ZNF726: variants seen among roughly 807,000 people sequenced by gnomAD.
ZNF726 encodes the protein zinc finger protein 92 pseudogene 3.
ZNF726 carries 15 observed loss-of-function variants against 11.6 expected under a neutral mutation model. The ratio of observed to expected loss-of-function variants is 1.29; its 90% CI spans 0.86 to 1.99. The LOEUF (loss-of-function observed/expected upper bound fraction) is 1.99. ZNF726 is among the 30% of genes most tolerant of loss of function. ZNF726 has a pLI of 0.00. For synonymous variants in ZNF726, 295 were observed against 243.6 expected (o/e 1.21, Z -1.96); for missense variants, 890 against 725.6 (o/e 1.23, Z -2.60).
chr19:23,933,292 T>G lies in ZNF726; in HGVS notation c.1176T>G (p.Thr392=), dbSNP rs770202969. The G allele has an allele frequency of 2.5e-6, 4 of 1,613,536 alleles. No homozygotes were observed. In the African/African-American group the frequency reaches 5.3e-5, roughly 22 times the overall value. Residue 392 remains threonine (T), a synonymous_variant, in exon 4 of 4, where the codon ACT becomes ACG. Transcript: ENST00000594466. ...TAACTAAACATAAGAGGATTCACAC[T>G]GGAGAGAAACCCTACAAATGTGAAG... is the stretch of plus-strand genomic sequence containing the variant. ...STLTKHKRIH[T]GEKPYKCEEC...
chr19:23,935,087 C>T (rs1340740653), downstream of ZNF726: 5 of 351,364 alleles, frequency 1.4e-5, no homozygotes, highest in Non-Finnish European at 2.2e-5. Flanking sequence ...CAGACTGCTG[C>T]TGCTTCTGCC....
At chr19:23,928,451 T>C (rs182460147) in intron 3 of ZNF726, 2 of 152,312 alleles carry the variant, frequency 1.3e-5, no homozygotes, top group African/African-American at 4.8e-5. Flanking sequence ...TTTGTCAATA[T>C]TTACTTTATA....
At chr19:23,939,988 G>C (rs1027651636) in intron 3 of ZNF726, among the ~76,000 whole-genome samples, 2 of 148,932 alleles carry the variant, frequency 1.3e-5, no homozygotes, top group African/African-American at 5.0e-5. Flanking sequence ...TGTTTACTCC[G>C]CTGACTGTTT....
At chr19:23,917,115 T>C (rs62114217) in intron 1 of ZNF726, among the ~76,000 whole-genome samples, 6,475 of 152,232 alleles carry the variant, frequency 0.043, 181 homozygotes, top group South Asian at 0.14. Context: ...CACACCCACC[T>C]AGTTTTTGTA....
intron 3 of ZNF726, among the ~76,000 whole-genome samples, chr19:23,929,799 TTC>T (rs1287586251): frequency 6.6e-6 from 1 of 152,200 alleles, no homozygotes; most frequent in Non-Finnish European, 1.5e-5. Context: ...CAGGTTTTTA[TTC>T]TGTTTTAAAT....
intron 3 of ZNF726, among the ~76,000 whole-genome samples, chr19:23,930,350 A>G (rs1184988392): frequency 6.6e-6 from 1 of 152,038 alleles, no homozygotes; most frequent in African/African-American, 2.4e-5. Context: ...ATGGTATCCA[A>G]TCACTTTTAC....
Position 23,914,910 on chromosome 19 carries a change from A to C in ZNF726, c.-85A>C. On this transcript the variant is annotated 5_prime_UTR_variant, in exon 1 of 4. Coordinates refer to ENST00000594466, the MANE Select transcript of ZNF726 (RefSeq NM_001244038.2). ...TGTCTCTATCTGCGGCCGGAGCTCC[A>C]GGTCTCGTCCTCACTACTCTGTGTC... 1 of 1,590,050 alleles carries C rather than the reference A, an allele frequency of 6.3e-7. No individual in the cohort carries two copies. The highest frequency in any genetic ancestry group is 8.6e-7 in the Non-Finnish European group (1 of 1,165,856).
intron 3 of ZNF726, among the ~76,000 whole-genome samples, chr19:23,942,238 GTTAT>G (rs1202423025): frequency 6.6e-6 from 1 of 152,140 alleles, no homozygotes; most frequent in African/African-American, 2.4e-5. Flanking sequence ...TCAGGAGCAG[GTTAT>G]TTAATTTCCA....
rs763373330 is a variant in ZNF726, at chr19:23,933,668, T to C, written c.1552T>C (p.Phe518Leu). ...PYKCEECGKAFILSSTLSKHK... is the reference protein window; with the variant it reads ...PYKCEECGKALILSSTLSKHK... ...CAAATGTGAAGAATGTGGCAAAGCA[T>C]TTATATTGTCCTCGACCCTATCTAA... The change falls in exon 4 of 4, where the codon TTT (phenylalanine) becomes CTT (leucine). Residue 518 changes from phenylalanine to leucine, a missense_variant. Coordinates refer to ENST00000594466, the MANE Select transcript of ZNF726 (RefSeq NM_001244038.2). 1.9e-6 allele frequency: 3 copies of C among 1,612,476 alleles called. No individual in the cohort carries two copies. The East Asian group carries it at 6.7e-5, about 36-fold the overall frequency.
At chr19:23,927,329 T>C (rs73021302) in intron 3 of ZNF726, among the ~76,000 whole-genome samples, 1,573 of 152,284 alleles carry the variant, frequency 0.01, 14 homozygotes, top group Non-Finnish European at 0.015. Flanking sequence ...AAAATTAATG[T>C]TTTTTTATTC....
chr19:23,932,566 T>C lies in ZNF726; in HGVS notation c.450T>C (p.Tyr150=), dbSNP rs764947705. The stretch of plus-strand genomic sequence containing the variant: ...GCAAAGCTTCTCAATGTGGTAAATA[T>C]TTGAAAGTCTTTTATAAATTTATAA... The part of the protein sequence containing the change: ...TQGKASQCGK[Y]LKVFYKFINL... Residue 150 remains tyrosine, a synonymous_variant, in exon 4 of 4, where the codon TAT becomes TAC. Coordinates refer to ENST00000594466, the MANE Select transcript of ZNF726 (RefSeq NM_001244038.2). 7.6e-6 allele frequency: 12 copies of C among 1,576,698 alleles called. No homozygotes were observed. Among genetic ancestry groups the C allele is most frequent in the Non-Finnish European group, 1.0e-5 (12 of 1,163,462 alleles).
chr19:23,925,339 C>T (rs2144974063), intron 3 of ZNF726, among the ~76,000 whole-genome samples: 1 of 151,822 alleles, frequency 6.6e-6, no homozygotes, highest in South Asian at 2.1e-4. Flanking sequence ...CTTTATTTTC[C>T]ACCGACAATC....
downstream of ZNF726, among the ~76,000 whole-genome samples, chr19:23,939,197 A>T (rs1968298114): frequency 6.7e-6 from 1 of 150,160 alleles, no homozygotes; most frequent in Non-Finnish European, 1.5e-5. Context: ...CTTACCTCCC[A>T]CATATCAGCA....
In ZNF726 at chr19:23,933,796, T is replaced by C; in HGVS notation, c.1680T>C (p.Thr560=). 6.2e-7 allele frequency: 1 copy of C among 1,607,726 alleles called. No individual in the cohort carries two copies. Among genetic ancestry groups the C allele is most frequent in the Non-Finnish European group, 8.5e-7 (1 of 1,177,678 alleles). Residue 560 remains threonine, a synonymous_variant, in exon 4 of 4, where the codon ACT becomes ACC. Transcript: ENST00000594466. The part of the protein sequence containing the change: ...SNLSTHKIIH[T]GEKPYKCEEC... Reference sequence around the variant, plus strand: ...TTAGTACACATAAGATAATTCATACTGGAGAGAAACCTTACAAGTGTGAAG... The same window carrying C: ...TTAGTACACATAAGATAATTCATACCGGAGAGAAACCTTACAAGTGTGAAG...
In ZNF726 at chr19:23,920,013, A is replaced by G. The variant is rs1160115392; in HGVS notation, c.157A>G (p.Ile53Val). ...TATTGCTGTCTCTAAGCCAGACCTC[A>G]TCATCTGTCTGGAGAAAGAAAAAGA... is the stretch of plus-strand genomic sequence containing the variant. ...LGIAVSKPDL[I>V]ICLEKEKEPW... The change falls in exon 3 of 4, where the codon ATC (isoleucine) becomes GTC (valine). Residue 53 changes from isoleucine (I) to valine (V), a missense_variant. By Grantham distance (29) the Ile-to-Val change is conservative. Transcript: ENST00000594466. 6.3e-7 allele frequency: 1 copy of G among 1,586,780 alleles called. No individual in the cohort carries two copies. Among genetic ancestry groups the G allele is most frequent in the Non-Finnish European group, 8.6e-7 (1 of 1,164,278 alleles).
At chr19:23,918,916 A>G (rs1352709934) in intron 1 of ZNF726, among the ~76,000 whole-genome samples, 1 of 152,236 alleles carries the variant, frequency 6.6e-6, no homozygotes, top group Admixed American at 6.5e-5. Context: ...AGTAACTCAG[A>G]CTTTATTTCA....
chr19:23,917,187 G>A lies in ZNF726; in HGVS notation c.4-2186G>A, dbSNP rs566116745. 7.2e-5 allele frequency among the ~76,000 whole-genome samples: 11 copies of A among 152,340 alleles called. No individual in the cohort carries two copies. In the East Asian group the frequency reaches 2.1e-3, roughly 29 times the overall value. ...GCTGGTGTCAAACTTCTGGCCTCAA[G>A]TGACTCACCTTCTTTGGCCTCCCAA... On this transcript the variant is annotated intron_variant, in intron 1 of 3. Coordinates refer to ENST00000594466, the MANE Select transcript of ZNF726 (RefSeq NM_001244038.2).
chr19:23,942,324 T>G (rs2048553057), intron 3 of ZNF726, among the ~76,000 whole-genome samples: 1 of 152,074 alleles, frequency 6.6e-6, no homozygotes, highest in South Asian at 2.1e-4. Context: ...TCTGAGAGAG[T>G]GCTTGATGTA....
At chr19:23,939,798 T>A (rs1968307180) in intron 3 of ZNF726, among the ~76,000 whole-genome samples, 1 of 151,970 alleles carries the variant, frequency 6.6e-6, no homozygotes. Context: ...TTTAAATGTT[T>A]GTTAGCCATT....
Sources: gnomAD v4.1 joint callset for allele counts (sites outside exome capture counted in the v4.1 genomes callset) on GRCh38, gnomAD v4.1.1 for gene constraint, MANE v1.5 for transcripts, NCBI Gene and HGNC (gene_info 2026-07-23, HGNC 2026-07-21) for gene names.